The following CSMD1 variants were observed in gnomAD, a reference collection of about 807,000 sequenced individuals.
CSMD1 encodes the protein CUB and sushi domain-containing protein 1.
A neutral mutation model predicts 417.5 loss-of-function variants in CSMD1; 213 were observed. The observed-to-expected ratio is 0.51, with a 90% confidence interval of 0.46 to 0.57. The LOEUF (loss-of-function observed/expected upper bound fraction) is 0.57, where lower values mean the gene tolerates loss of function less well. CSMD1 is among the 20% of genes least tolerant of loss of function. The pLI, the probability that CSMD1 is intolerant of heterozygous loss-of-function variation, is 0.00. For missense variants in CSMD1, 6,923 were observed against 4,529.7 expected (o/e 1.53, Z -15.17); for synonymous variants, 2,862 against 1,736.8 (o/e 1.65, Z -16.11).
At chr8:3,586,551 A>C (rs926478316) in intron 8 of CSMD1, among the ~76,000 whole-genome samples, 6 of 152,194 alleles carry the variant, frequency 3.9e-5, no homozygotes, top group Non-Finnish European at 8.8e-5. Context: ...AAATGACTTC[A>C]CTGAATAGTG....
Position 2,965,922 on chromosome 8 carries a change from T to G in CSMD1, c.9133A>C (p.Asn3045His). 2 of 1,609,430 alleles carry G rather than the reference T, an allele frequency of 1.2e-6. No homozygotes were observed. ...ISCGDPGTLA[N>H]GIQFGTDFTF... ...AAGTCGGTCCCAAACTGGATGCCAT[T>G]TGCTAGTGTGCCTGGATCCCCACAA... The change falls in exon 59 of 70, where the codon AAT becomes CAT. Residue 3045 changes from asparagine (N) to histidine (H), a missense_variant. Coordinates refer to ENST00000635120, the MANE Select transcript of CSMD1 (RefSeq NM_033225.6).
intron 5 of CSMD1, among the ~76,000 whole-genome samples, chr8:3,916,683 G>C (rs184592565): frequency 7.2e-5 from 11 of 152,238 alleles, no homozygotes; most frequent in African/African-American, 2.2e-4. Flanking sequence ...GATGTAATCT[G>C]TGTAGTTTCC....
At chr8:3,970,203 A>C (rs1812986964) in intron 5 of CSMD1, among the ~76,000 whole-genome samples, 1 of 152,042 alleles carries the variant, frequency 6.6e-6, no homozygotes, top group African/African-American at 2.4e-5. Flanking sequence ...ACTTTCTTTT[A>C]CAAACTAAAT....
chr8:4,333,924 C>T (rs10108980), intron 3 of CSMD1, among the ~76,000 whole-genome samples: 31,467 of 152,018 alleles, frequency 0.21, 3,493 homozygotes, highest in South Asian at 0.38. Context: ...AAAGTTCTCA[C>T]TCTGTCATCC....
At chr8:3,570,184 C>T (rs142576799) in intron 10 of CSMD1, among the ~76,000 whole-genome samples, 20 of 152,220 alleles carry the variant, frequency 1.3e-4, no homozygotes, top group Non-Finnish European at 2.4e-4. Flanking sequence ...GGATGTTAGC[C>T]ATAAAACTAA....
chr8:3,065,237 T>C (rs762559291), intron 49 of CSMD1, among the ~76,000 whole-genome samples: 49 of 152,016 alleles, frequency 3.2e-4, no homozygotes, highest in Non-Finnish European at 5.0e-4. Context: ...ATAGAGTAGA[T>C]AGAAAGATAG....
At chr8:4,833,410 G>A (rs768672317) in intron 1 of CSMD1, among the ~76,000 whole-genome samples, 2 of 152,160 alleles carry the variant, frequency 1.3e-5, no homozygotes, top group Non-Finnish European at 2.9e-5. Context: ...CATGAGAACA[G>A]CAAGAGGAAA....
chr8:4,626,689 T>C (rs1276896556), intron 2 of CSMD1, among the ~76,000 whole-genome samples: 3 of 152,146 alleles, frequency 2.0e-5, no homozygotes, highest in East Asian at 1.9e-4. Flanking sequence ...ACTCCACCTC[T>C]TGCAAAGACG....
chr8:4,081,573 C>T (rs180862239), intron 3 of CSMD1, among the ~76,000 whole-genome samples: 2 of 152,156 alleles, frequency 1.3e-5, no homozygotes, highest in East Asian at 1.9e-4. Context: ...ACCTAGTTGA[C>T]CCAGAACACT....
rs374462207 is a variant in CSMD1 at position 4,348,829 on chromosome 8, A to T, written c.415+71124T>A. On this transcript the variant is annotated intron_variant, in intron 3 of 69. Coordinates refer to ENST00000635120, the MANE Select transcript of CSMD1 (RefSeq NM_033225.6). ...TATTCTTCCAAGACCCAGTTAAATC[A>T]ATAAGCTTTTAAGGTACGAACATGC... 1.1e-3 allele frequency among the ~76,000 whole-genome samples: 165 copies of T among 152,316 alleles called. 4 individuals are homozygous for T. The South Asian group carries it at 0.034, about 31-fold the overall frequency.
At chr8:3,382,053 T>A (rs916119040) in intron 18 of CSMD1, among the ~76,000 whole-genome samples, 1 of 151,966 alleles carries the variant, frequency 6.6e-6, no homozygotes, top group East Asian at 1.9e-4. Flanking sequence ...AGGTCAGGAG[T>A]TCGAGACCAG....
Position 4,023,042 on chromosome 8 carries a change from G to T in CSMD1, c.610+8863C>A, listed in dbSNP as rs997837369. Among the ~76,000 whole-genome samples, 3 of 152,174 alleles carry T rather than the reference G, an allele frequency of 2.0e-5. No individual in the cohort carries two copies. In the South Asian group the frequency reaches 6.2e-4, roughly 32 times the overall value. ...TTTTCTTCTTCCTGAGCTCACAGAT[G>T]CTTCCATTTCCTGGCTCTCTTTGCA... On this transcript the variant is annotated intron_variant, in intron 4 of 69. Coordinates refer to ENST00000635120, the MANE Select transcript of CSMD1 (RefSeq NM_033225.6).
At chr8:3,268,363 A>G (rs6980812) in intron 26 of CSMD1, among the ~76,000 whole-genome samples, 39,357 of 137,326 alleles carry the variant, frequency 0.29, 5,759 homozygotes, top group African/African-American at 0.39. Flanking sequence ...ATCTCAGCTC[A>G]CTGCAAGCTC....
chr8:4,159,505 T>C (rs973501954), intron 3 of CSMD1, among the ~76,000 whole-genome samples: 5 of 152,174 alleles, frequency 3.3e-5, no homozygotes, highest in Admixed American at 2.6e-4. Flanking sequence ...AAAGAAACTG[T>C]GGTATATATA....
At chr8:3,897,662 T>G (rs1807455265) in intron 5 of CSMD1, among the ~76,000 whole-genome samples, 1 of 152,150 alleles carries the variant, frequency 6.6e-6, no homozygotes, top group Non-Finnish European at 1.5e-5. Flanking sequence ...TAATCGTTAA[T>G]AATAGAATTA....
chr8:4,279,825 C>T (rs966323356), intron 3 of CSMD1, among the ~76,000 whole-genome samples: 3 of 152,148 alleles, frequency 2.0e-5, no homozygotes, highest in African/African-American at 4.8e-5. Context: ...GATAAAAAGA[C>T]TGAGTGCTTG....
intron 18 of CSMD1, among the ~76,000 whole-genome samples, chr8:3,384,871 T>C (rs866884661): frequency 8.2e-6 from 1 of 122,184 alleles, no homozygotes; most frequent in Non-Finnish European, 1.6e-5. Context: ...TGTAAATATA[T>C]ATTATATATG....
chr8:3,385,025 A>AAT (rs201974137), intron 18 of CSMD1, among the ~76,000 whole-genome samples: 101,027 of 112,954 alleles, frequency 0.89, 44,636 homozygotes, highest in East Asian at 0.99. Flanking sequence ...ATAATATATA[A>AAT]ATATAATATA....
chr8:4,781,077 C>T (rs1208063149), intron 1 of CSMD1, among the ~76,000 whole-genome samples: 1 of 152,200 alleles, frequency 6.6e-6, no homozygotes, highest in Non-Finnish European at 1.5e-5. Context: ...GTCCCGCCGT[C>T]TTGTTAAGAT....
Sources: allele counts gnomAD v4.1 joint callset (sites outside exome capture counted in the v4.1 genomes callset), GRCh38; gene constraint gnomAD v4.1.1; transcripts MANE v1.5; gene names NCBI Gene and HGNC (gene_info 2026-07-23, HGNC 2026-07-21).